The following ZNF678 variants were observed in gnomAD, a reference collection of about 807,000 sequenced individuals.
The protein encoded by ZNF678 is hypothetical protein MGC42493.
A neutral mutation model predicts 3.0 loss-of-function variants in ZNF678; 5 were observed. That is an observed-to-expected ratio of 1.69 (90% CI 0.88 to 3.56). ZNF678 has a LOEUF of 3.56. Among genes scored for constraint, ZNF678 ranks in the 30% most tolerant of loss-of-function variants. ZNF678 has a pLI of 0.00. For missense variants in ZNF678, 593 were observed against 605.0 expected, an observed-to-expected ratio of 0.98 and a Z score of 0.21; for synonymous variants, 218 against 199.6, an observed-to-expected ratio of 1.09 and a Z score of -0.78.
chr1:227,678,024 G>C (rs560901442), downstream of ZNF678, among the ~76,000 whole-genome samples: 18 of 152,292 alleles, frequency 1.2e-4, no homozygotes, highest in South Asian at 3.3e-3. Flanking sequence ...AGGGTGATTT[G>C]TTCTCAAACT....
chr1:227,623,474 G>A (rs1007613428), intron 1 of ZNF678, among the ~76,000 whole-genome samples: 1 of 152,158 alleles, frequency 6.6e-6, no homozygotes, highest in Non-Finnish European at 1.5e-5. Context: ...GCACTGGCTG[G>A]TATAGTGAAA....
chr1:227,576,861 T>A (rs1181882816), intron 1 of ZNF678, among the ~76,000 whole-genome samples: 5 of 152,202 alleles, frequency 3.3e-5, no homozygotes, highest in African/African-American at 1.2e-4. Flanking sequence ...CTTTTTGATG[T>A]TGGCATTTAG....
At chr1:227,612,676 T>C (rs1251971904) in intron 1 of ZNF678, among the ~76,000 whole-genome samples, 1 of 152,196 alleles carries the variant, frequency 6.6e-6, no homozygotes, top group Non-Finnish European at 1.5e-5. Flanking sequence ...CTTCTCTGTT[T>C]TATTCAACTC....
intron 1 of ZNF678, among the ~76,000 whole-genome samples, chr1:227,593,775 T>C (rs1049254615): frequency 6.6e-6 from 1 of 152,010 alleles, no homozygotes; most frequent in Non-Finnish European, 1.5e-5. Flanking sequence ...TTTCTTAGCT[T>C]TGGTAGGGTT....
intron 2 of ZNF678, among the ~76,000 whole-genome samples, chr1:227,648,139 A>G (rs1659001412): frequency 6.6e-6 from 1 of 152,232 alleles, no homozygotes; most frequent in Non-Finnish European, 1.5e-5. Context: ...CAATATCAAC[A>G]GTAATATAAT....
intron 1 of ZNF678, among the ~76,000 whole-genome samples, chr1:227,641,506 C>T (rs2102791517): frequency 6.6e-6 from 1 of 152,188 alleles, no homozygotes; most frequent in East Asian, 1.9e-4. Flanking sequence ...TCTCTCTGTT[C>T]TACCATTGTG....
At chr1:227,675,468 T>C (rs1233289279) in intron 5 of ZNF678, among the ~76,000 whole-genome samples, 7 of 152,202 alleles carry the variant, frequency 4.6e-5, no homozygotes, top group Non-Finnish European at 1.0e-4. Flanking sequence ...ATTTGATTAA[T>C]TATATATATT....
chr1:227,649,650 G>C (rs1196612692), intron 2 of ZNF678, among the ~76,000 whole-genome samples: 1 of 151,966 alleles, frequency 6.6e-6, no homozygotes, highest in East Asian at 1.9e-4. Flanking sequence ...GCGCTTAGCC[G>C]GTTTCTTCAC....
intron 1 of ZNF678, among the ~76,000 whole-genome samples, chr1:227,568,672 C>T (rs1359646922): frequency 3.3e-5 from 5 of 152,076 alleles, no homozygotes; most frequent in South Asian, 2.1e-4. Context: ...CTTGAGTATG[C>T]GGTTATGGGA....
intron 1 of ZNF678, among the ~76,000 whole-genome samples, chr1:227,597,315 T>A (rs937843380): frequency 1.3e-5 from 2 of 152,240 alleles, no homozygotes; most frequent in Non-Finnish European, 2.9e-5. Context: ...TTCCTTGCCC[T>A]CATTCCGGTA....
At chr1:227,601,516 G>T (rs183128512) in intron 1 of ZNF678, among the ~76,000 whole-genome samples, 100 of 150,698 alleles carry the variant, frequency 6.6e-4, no homozygotes, top group African/African-American at 2.4e-3. Context: ...ATTGTGAATG[G>T]GATTCCATTC....
At chr1:227,665,270 G>C (rs116219038), downstream of ZNF678, among the ~76,000 whole-genome samples, 1 of 152,168 alleles carries the variant, frequency 6.6e-6, no homozygotes, top group East Asian at 1.9e-4. Context: ...CTGAATTAGA[G>C]GTTAAAATCC....
At chr1:227,589,477 A>G (rs1657350821) in intron 1 of ZNF678, among the ~76,000 whole-genome samples, 1 of 151,660 alleles carries the variant, frequency 6.6e-6, no homozygotes, top group Non-Finnish European at 1.5e-5. Flanking sequence ...GCTGCAGACA[A>G]AACTCCTCAG....
intron 1 of ZNF678, among the ~76,000 whole-genome samples, chr1:227,566,170 T>G (rs1391083175): frequency 6.6e-6 from 1 of 152,066 alleles, no homozygotes; most frequent in African/African-American, 2.4e-5. Flanking sequence ...GGTTCCTGGG[T>G]TTTTTCCTCC....
chr1:227,655,844 A>G lies in ZNF678; in HGVS notation c.*16A>G, dbSNP rs1276988991. 1 of 1,539,636 alleles carries G rather than the reference A, an allele frequency of 6.5e-7. No homozygotes were observed. The highest frequency in any genetic ancestry group is 2.3e-5 in the East Asian group (1 of 44,374). On this transcript the variant is annotated 3_prime_UTR_variant, in exon 4 of 4. Coordinates refer to ENST00000343776, the MANE Select transcript of ZNF678 (RefSeq NM_001367909.1). ...CAGTCTTTAAAAACTGCTTCATTAT[A>G]CATGGCTTCACTAATTTCATACTGA...
chr1:227,594,701 C>A (rs1657515613), intron 1 of ZNF678, among the ~76,000 whole-genome samples: 1 of 152,150 alleles, frequency 6.6e-6, no homozygotes, highest in Admixed American at 6.5e-5. Flanking sequence ...ATAACATTTT[C>A]CTCTTTCACG....
chr1:227,620,969 C>T lies in ZNF678; in HGVS notation c.-163-25575C>T, dbSNP rs577746822. Reference sequence around the variant, plus strand: ...TCACATTACTCAGATTAAAAAGTTTCTTGCCAGGTGCCATGGGTCACACCT... The same window carrying T: ...TCACATTACTCAGATTAAAAAGTTTTTTGCCAGGTGCCATGGGTCACACCT... On this transcript the variant is annotated intron_variant, in intron 1 of 3. Transcript: ENST00000343776. Among the ~76,000 whole-genome samples, 88 of 152,220 alleles carry T rather than the reference C, an allele frequency of 5.8e-4. No homozygotes were observed. The South Asian group carries it at 0.011, about 19-fold the overall frequency.
chr1:227,639,924 CTT>C (rs1366230087), intron 1 of ZNF678, among the ~76,000 whole-genome samples: 1 of 152,148 alleles, frequency 6.6e-6, no homozygotes, highest in Non-Finnish European at 1.5e-5. Flanking sequence ...TGAACTGAGT[CTT>C]TTGTTAATTT....
chr1:227,645,289 G>A (rs1334655273), intron 1 of ZNF678, among the ~76,000 whole-genome samples: 1 of 152,176 alleles, frequency 6.6e-6, no homozygotes, highest in Non-Finnish European at 1.5e-5. Flanking sequence ...ACAGAAATCA[G>A]AAAAAGAGGA....
Sources: gnomAD v4.1 joint callset for allele counts (sites outside exome capture counted in the v4.1 genomes callset) on GRCh38, gnomAD v4.1.1 for gene constraint, MANE v1.5 for transcripts, NCBI Gene and HGNC (gene_info 2026-07-23, HGNC 2026-07-21) for gene names.